NRG3: variants seen among roughly 807,000 people sequenced by gnomAD.
NRG3 encodes the protein pro-neuregulin-3, membrane-bound isoform.
In NRG3, 31 loss-of-function variants were observed where a neutral mutation model predicts 66.9. The ratio of observed to expected loss-of-function variants is 0.46; its 90% CI spans 0.35 to 0.63. NRG3 has a LOEUF of 0.63. Ranked by LOEUF, NRG3 falls within the 20% of genes least tolerant of loss-of-function variation. The pLI, the probability that NRG3 is intolerant of heterozygous loss-of-function variation, is 0.00. For synonymous variants in NRG3, 393 were observed against 359.4 expected (o/e 1.09, Z -1.06); for missense variants, 910 against 878.9 (o/e 1.04, Z -0.45).
intron 2 of NRG3, among the ~76,000 whole-genome samples, chr10:82,479,524 G>C (rs1007076049): frequency 2.1e-4 from 31 of 147,334 alleles, no homozygotes; most frequent in Non-Finnish European, 4.0e-4. Flanking sequence ...ACAGCTGGGC[G>C]TGGTGATGCA....
chr10:81,963,867 T>C (rs2059623814), intron 1 of NRG3, among the ~76,000 whole-genome samples: 1 of 152,238 alleles, frequency 6.6e-6, no homozygotes, highest in Non-Finnish European at 1.5e-5. Context: ...TTATTAGTCA[T>C]GTAGAGGCAG....
At chr10:82,902,737 G>C (rs552721818) in intron 4 of NRG3, among the ~76,000 whole-genome samples, 125 of 152,056 alleles carry the variant, frequency 8.2e-4, no homozygotes, top group Middle Eastern at 6.8e-3. Flanking sequence ...GTATACACAT[G>C]TATAGTTGAC....
intron 2 of NRG3, among the ~76,000 whole-genome samples, chr10:82,599,788 G>A (rs993772594): frequency 3.9e-5 from 6 of 152,168 alleles, no homozygotes; most frequent in African/African-American, 1.4e-4. Context: ...CTGAACTCCA[G>A]CCTCGGCTTC....
intron 1 of NRG3, among the ~76,000 whole-genome samples, chr10:82,045,506 A>G (rs1253478505): frequency 2.1e-5 from 1 of 47,980 alleles, no homozygotes; most frequent in Non-Finnish European, 5.2e-5. Context: ...ATTTTCTCCC[A>G]TTTTGTAGGT....
chr10:82,687,981 C>T (rs1219494602), intron 2 of NRG3, among the ~76,000 whole-genome samples: 4 of 152,188 alleles, frequency 2.6e-5, no homozygotes, highest in African/African-American at 9.6e-5. Flanking sequence ...TCCTTGCTCT[C>T]CTGCCAGGCA....
At chr10:82,574,788 T>C (rs2045939129) in intron 2 of NRG3, among the ~76,000 whole-genome samples, 1 of 151,814 alleles carries the variant, frequency 6.6e-6, no homozygotes, top group African/African-American at 2.4e-5. Flanking sequence ...AATTGAAGCA[T>C]GTTTTACTTA....
chr10:82,003,986 AAAACACACAC>A (rs1174142811), intron 1 of NRG3, among the ~76,000 whole-genome samples: 50 of 116,222 alleles, frequency 4.3e-4, no homozygotes, highest in African/African-American at 2.2e-3. Flanking sequence ...TACCTGACTG[AAAACACACAC>A]ACACACACAC....
chr10:82,926,072 G>A (rs907151335), intron 4 of NRG3, among the ~76,000 whole-genome samples: 4 of 152,262 alleles, frequency 2.6e-5, no homozygotes, highest in East Asian at 1.9e-4. Flanking sequence ...CATATCCATG[G>A]GTTCTGCATC....
At chr10:82,892,253 G>A (rs1348407179) in intron 4 of NRG3, among the ~76,000 whole-genome samples, 1 of 151,838 alleles carries the variant, frequency 6.6e-6, no homozygotes, top group African/African-American at 2.4e-5. Flanking sequence ...GACATTTTTA[G>A]GCCTAAAGAT....
rs796677698 is a variant in NRG3, at chr10:82,820,619, GC to G, written c.1028-44789del. Reference sequence around the variant, plus strand: ...AAACTACTTTTCCATTTAAATCAAAGCCCTTTAAAACTTCCGAATTATATTA... The same window carrying G: ...AAACTACTTTTCCATTTAAATCAAAGCCTTTAAAACTTCCGAATTATATTA... On this transcript the variant is annotated intron_variant, in intron 3 of 8. Transcript: ENST00000372141. 2.0e-5 allele frequency among the ~76,000 whole-genome samples: 3 copies of G among 152,102 alleles called. No individual in the cohort carries two copies. The South Asian group carries it at 6.2e-4, about 32-fold the overall frequency.
At chr10:82,112,092 A>C (rs560021248) in intron 1 of NRG3, among the ~76,000 whole-genome samples, 2 of 152,076 alleles carry the variant, frequency 1.3e-5, no homozygotes, top group East Asian at 3.9e-4. Context: ...AAAAAAATAA[A>C]AAACAGCTGG....
At chr10:81,951,005 T>G (rs1374714093) in intron 1 of NRG3, among the ~76,000 whole-genome samples, 2 of 152,050 alleles carry the variant, frequency 1.3e-5, no homozygotes, top group Non-Finnish European at 2.9e-5. Context: ...CTAATTAGGG[T>G]GGACACAAAA....
chr10:82,969,298 A>C (rs1289908634), intron 6 of NRG3, among the ~76,000 whole-genome samples: 1 of 152,222 alleles, frequency 6.6e-6, no homozygotes, highest in Non-Finnish European at 1.5e-5. Flanking sequence ...TATATCCCTC[A>C]TATGTCTTTT....
At chr10:82,595,488 G>A (rs901178101) in intron 2 of NRG3, among the ~76,000 whole-genome samples, 4 of 152,092 alleles carry the variant, frequency 2.6e-5, no homozygotes, top group Admixed American at 2.6e-4. Context: ...AACATAGCAT[G>A]TTAGAAATAG....
intron 2 of NRG3, among the ~76,000 whole-genome samples, chr10:82,554,816 C>G (rs1237587185): frequency 6.6e-6 from 1 of 152,114 alleles, no homozygotes; most frequent in Non-Finnish European, 1.5e-5. Context: ...GTGCTAGAGA[C>G]CTCTACATAT....
intron 1 of NRG3, among the ~76,000 whole-genome samples, chr10:82,082,226 C>G (rs1203165363): frequency 6.6e-6 from 1 of 152,182 alleles, no homozygotes; most frequent in African/African-American, 2.4e-5. Flanking sequence ...CTGGATTACT[C>G]TGTTGCAAAA....
At chr10:82,925,327 T>A (rs1264706285) in intron 4 of NRG3, among the ~76,000 whole-genome samples, 1 of 152,242 alleles carries the variant, frequency 6.6e-6, no homozygotes, top group African/African-American at 2.4e-5. Flanking sequence ...CCAGACTGCC[T>A]GTGACCATTT....
intron 2 of NRG3, among the ~76,000 whole-genome samples, chr10:82,631,308 A>G (rs1226751118): frequency 6.6e-6 from 1 of 152,116 alleles, no homozygotes; most frequent in Non-Finnish European, 1.5e-5. Flanking sequence ...TTGCTAGATG[A>G]TCATGACTTC....
intron 1 of NRG3, among the ~76,000 whole-genome samples, chr10:82,054,904 G>C (rs929073615): frequency 1.3e-5 from 2 of 152,014 alleles, no homozygotes; most frequent in African/African-American, 4.8e-5. Flanking sequence ...GGAGGCTGAG[G>C]CAGGAGGATT....
Sources: allele counts gnomAD v4.1 joint callset (sites outside exome capture counted in the v4.1 genomes callset), GRCh38; gene constraint gnomAD v4.1.1; transcripts MANE v1.5; gene names NCBI Gene and HGNC (gene_info 2026-07-23, HGNC 2026-07-21).